Variants in NCAM2 observed in about 807,000 individuals in gnomAD.
NCAM2 encodes neural cell adhesion molecule 2.
NCAM2 carries 30 observed loss-of-function variants against 98.1 expected under a neutral mutation model. The observed-to-expected ratio is 0.31, with a 90% confidence interval of 0.23 to 0.41. NCAM2 has a LOEUF of 0.41. NCAM2 is among the 10% of genes least tolerant of loss of function. The pLI, the probability that NCAM2 is intolerant of heterozygous loss-of-function variation, is 1.00. For synonymous variants in NCAM2, 368 were observed against 342.4 expected (o/e 1.07, Z -0.83); for missense variants, 867 against 1,005.8 (o/e 0.86, Z 1.87).
At chr21:21,189,042 A>G (rs2068732627) in intron 1 of NCAM2, among the ~76,000 whole-genome samples, 1 of 152,188 alleles carries the variant, frequency 6.6e-6, no homozygotes, top group Non-Finnish European at 1.5e-5. Flanking sequence ...ACACATGTGC[A>G]TTTTAAATTA....
chr21:21,161,820 C>T (rs183004932), intron 1 of NCAM2, among the ~76,000 whole-genome samples: 23 of 152,000 alleles, frequency 1.5e-4, no homozygotes, highest in African/African-American at 4.3e-4. Flanking sequence ...TGATAATTAA[C>T]GCAGTCGGGC....
At chr21:21,268,644 A>G (rs1260053976) in intron 1 of NCAM2, among the ~76,000 whole-genome samples, 1 of 152,158 alleles carries the variant, frequency 6.6e-6, no homozygotes, top group East Asian at 1.9e-4. Flanking sequence ...GCCATTGTAC[A>G]TGAGAATATA....
intron 1 of NCAM2, among the ~76,000 whole-genome samples, chr21:21,228,166 A>G (rs1248135514): frequency 6.6e-6 from 1 of 151,608 alleles, no homozygotes; most frequent in Non-Finnish European, 1.5e-5. Flanking sequence ...TAAATGGCCA[A>G]TTATGGTCTC....
chr21:21,116,513 A>G (rs1410576809), intron 1 of NCAM2, among the ~76,000 whole-genome samples: 2 of 152,168 alleles, frequency 1.3e-5, no homozygotes, highest in African/African-American at 4.8e-5. Flanking sequence ...TAGGCGGGCT[A>G]TCTTAACACC....
intron 1 of NCAM2, among the ~76,000 whole-genome samples, chr21:21,259,919 AACACACAC>A (rs10618210): frequency 0.13 from 17,866 of 141,852 alleles, 1,282 homozygotes; most frequent in Middle Eastern, 0.19. Flanking sequence ...AATAAGAAGC[AACACACAC>A]ACACACACAC....
At chr21:21,010,204 A>G (rs1407061062) in intron 1 of NCAM2, among the ~76,000 whole-genome samples, 1 of 152,008 alleles carries the variant, frequency 6.6e-6, no homozygotes, top group Non-Finnish European at 1.5e-5. Context: ...TAGATGAGTT[A>G]TTTTATTTCA....
intron 1 of NCAM2, among the ~76,000 whole-genome samples, chr21:21,079,939 G>A (rs1247538672): frequency 6.6e-6 from 1 of 152,054 alleles, no homozygotes; most frequent in Non-Finnish European, 1.5e-5. Context: ...TCCTTTGCTT[G>A]CTGCTCCTGC....
At chr21:21,509,394 A>G (rs1831202261) in intron 16 of NCAM2, among the ~76,000 whole-genome samples, 2 of 152,184 alleles carry the variant, frequency 1.3e-5, no homozygotes, top group Admixed American at 6.5e-5. Flanking sequence ...TTTTGTTTAT[A>G]TTAAATAAAA....
intron 17 of NCAM2, 139 bp downstream of exon 17, chr21:21,534,795 T>C: frequency 2.3e-6 from 2 of 876,536 alleles, no homozygotes; most frequent in Non-Finnish European, 3.1e-6. Flanking sequence ...AAAGTACATG[T>C]GAATATCTAA....
At chr21:21,460,279 G>T (rs1239590207) in intron 12 of NCAM2, among the ~76,000 whole-genome samples, 1 of 151,872 alleles carries the variant, frequency 6.6e-6, no homozygotes, top group African/African-American at 2.4e-5. Context: ...TCAATATAAA[G>T]CTATGGGTCA....
intron 9 of NCAM2, among the ~76,000 whole-genome samples, chr21:21,394,496 T>C (rs2076455854): frequency 1.2e-5 from 1 of 83,082 alleles, no homozygotes; most frequent in African/African-American, 4.4e-5. Context: ...TTTTTTTTTT[T>C]TTTTTTTTTT....
intron 1 of NCAM2, among the ~76,000 whole-genome samples, chr21:21,105,907 C>T (rs913131241): frequency 1.3e-5 from 2 of 151,996 alleles, no homozygotes; most frequent in African/African-American, 4.8e-5. Flanking sequence ...CTCATAGGCT[C>T]ATCATATCGT....
intron 1 of NCAM2, among the ~76,000 whole-genome samples, chr21:21,150,169 T>G (rs1468087656): frequency 6.6e-6 from 1 of 152,158 alleles, no homozygotes; most frequent in Non-Finnish European, 1.5e-5. Context: ...AGCAAAGGTA[T>G]TTTTCTTTGT....
chr21:21,319,444 C>T (rs2074313851), intron 5 of NCAM2, among the ~76,000 whole-genome samples: 1 of 152,116 alleles, frequency 6.6e-6, no homozygotes, highest in Non-Finnish European at 1.5e-5. Context: ...AGTTTGAGAC[C>T]AGCCTGGCCA....
At chr21:21,393,245 C>A (rs2076420486) in intron 9 of NCAM2, among the ~76,000 whole-genome samples, 1 of 152,142 alleles carries the variant, frequency 6.6e-6, no homozygotes, top group Non-Finnish European at 1.5e-5. Context: ...TGTTGAAGAT[C>A]AGGTAGTTAT....
rs148918981 is a variant in NCAM2, at chr21:21,518,443, A to C, written c.2282+9388A>C. Reference sequence around the variant, plus strand: ...ATAAGAGACATGGTAAATACAGTGGAATCAATTCATTTCCAATATTTTTTG... The same window carrying C: ...ATAAGAGACATGGTAAATACAGTGGCATCAATTCATTTCCAATATTTTTTG... On this transcript the variant is annotated intron_variant, in intron 16 of 17. Transcript: ENST00000400546. Among the ~76,000 whole-genome samples, 507 of 152,256 alleles carry C rather than the reference A, an allele frequency of 3.3e-3. 4 individuals are homozygous for C. The highest frequency in any genetic ancestry group is 0.012 in the African/African-American group (486 of 41,558).
At chr21:21,174,803 T>G (rs2068231121) in intron 1 of NCAM2, among the ~76,000 whole-genome samples, 1 of 151,970 alleles carries the variant, frequency 6.6e-6, no homozygotes, top group Admixed American at 6.6e-5. Context: ...AAAAGAGAGC[T>G]ATCTTTAAAT....
chr21:21,462,702 G>A (rs887852536), intron 12 of NCAM2, among the ~76,000 whole-genome samples: 1 of 151,814 alleles, frequency 6.6e-6, no homozygotes, highest in Non-Finnish European at 1.5e-5. Context: ...TTATAGACAG[G>A]TGATAAAGCG....
At chr21:21,211,609 C>T (rs2069662403) in intron 1 of NCAM2, among the ~76,000 whole-genome samples, 1 of 152,080 alleles carries the variant, frequency 6.6e-6, no homozygotes. Context: ...ACAAAACAAA[C>T]AACACAACAA....
Sources: allele counts gnomAD v4.1 joint callset (sites outside exome capture counted in the v4.1 genomes callset), GRCh38; gene constraint gnomAD v4.1.1; transcripts MANE v1.5; gene names NCBI Gene and HGNC (gene_info 2026-07-23, HGNC 2026-07-21).